NCK1: variants seen among roughly 807,000 people sequenced by gnomAD.
NCK1 encodes SH2/SH3 adapter protein NCK1.
NCK1 carries 19 observed loss-of-function variants against 36.6 expected under a neutral mutation model. The ratio of observed to expected loss-of-function variants is 0.52; its 90% confidence interval spans 0.36 to 0.76. NCK1 has a LOEUF of 0.76. Ranked by LOEUF, NCK1 falls within the 30% of genes least tolerant of loss-of-function variation. The pLI, the probability that NCK1 is intolerant of heterozygous loss-of-function variation, is 0.00. For synonymous variants in NCK1, 165 were observed against 156.0 expected (o/e 1.06, Z -0.43); for missense variants, 358 against 445.6 (o/e 0.80, Z 1.77).
intron 1 of NCK1, among the ~76,000 whole-genome samples, chr3:136,914,705 ACTT>A (rs1230155716): frequency 1.3e-5 from 2 of 152,184 alleles, no homozygotes; most frequent in Non-Finnish European, 2.9e-5. Flanking sequence ...TAATGTGACA[ACTT>A]CTGGCTTCCA....
intron 1 of NCK1, among the ~76,000 whole-genome samples, chr3:136,888,656 C>A (rs532424008): frequency 1.4e-3 from 210 of 152,138 alleles, no homozygotes; most frequent in African/African-American, 4.7e-3. Context: ...CCGCACCCAG[C>A]CATATTGGAA....
chr3:136,930,476 G>C (rs1940362708), intron 2 of NCK1: 1 of 1,292,956 alleles, frequency 7.7e-7, no homozygotes, highest in Non-Finnish European at 9.8e-7. Context: ...GGAAGTTTCA[G>C]TGTTGCAGAA....
At chr3:136,902,324 A>G (rs1322307463) in intron 1 of NCK1, among the ~76,000 whole-genome samples, 1 of 151,622 alleles carries the variant, frequency 6.6e-6, no homozygotes, top group East Asian at 1.9e-4. Flanking sequence ...CAGCCTCCTG[A>G]GTAGCTGGGA....
chr3:136,927,657 G>C (rs1191818563), intron 1 of NCK1, among the ~76,000 whole-genome samples: 1 of 152,086 alleles, frequency 6.6e-6, no homozygotes, highest in Non-Finnish European at 1.5e-5. Flanking sequence ...GAGTAGCTGG[G>C]ACTACGGGTG....
intron 1 of NCK1, among the ~76,000 whole-genome samples, 170 bp from the exon 2 acceptor site, chr3:136,927,814 C>T (rs1355300444): frequency 2.6e-5 from 4 of 152,172 alleles, no homozygotes; most frequent in East Asian, 3.8e-4. Context: ...CCACTGCGCA[C>T]GGCCATACAG....
At chr3:136,888,370 A>G (rs1361700049) in intron 1 of NCK1, among the ~76,000 whole-genome samples, 1 of 152,114 alleles carries the variant, frequency 6.6e-6, no homozygotes, top group African/African-American at 2.4e-5. Context: ...AGCTTTTAGT[A>G]TATTCAGAGT....
intron 1 of NCK1, among the ~76,000 whole-genome samples, chr3:136,922,229 C>T (rs1560047756): frequency 6.6e-6 from 1 of 152,128 alleles, no homozygotes; most frequent in African/African-American, 2.4e-5. Context: ...TGGCCCTTAC[C>T]CTCTCGCCAG....
chr3:136,913,143 T>C (rs1380041990), intron 1 of NCK1, among the ~76,000 whole-genome samples: 1 of 152,210 alleles, frequency 6.6e-6, no homozygotes, highest in East Asian at 1.9e-4. Context: ...TTTTTTTTTC[T>C]TTCATATAGG....
At chr3:136,906,895 A>G (rs1939701402) in intron 1 of NCK1, among the ~76,000 whole-genome samples, 1 of 152,104 alleles carries the variant, frequency 6.6e-6, no homozygotes, top group Non-Finnish European at 1.5e-5. Flanking sequence ...CACGGATTGC[A>G]TGCTTGGTTA....
chr3:136,932,781 G>A (rs1411797926), intron 2 of NCK1, among the ~76,000 whole-genome samples: 3 of 152,214 alleles, frequency 2.0e-5, no homozygotes, highest in Non-Finnish European at 4.4e-5. Flanking sequence ...GGAATTGAGC[G>A]AAAGCAATGA....
chr3:136,898,816 C>CGG (rs1282101792), intron 1 of NCK1, among the ~76,000 whole-genome samples: 1 of 152,178 alleles, frequency 6.6e-6, no homozygotes, highest in Non-Finnish European at 1.5e-5. Flanking sequence ...TCCTCCATGT[C>CGG]AAACTGACAG....
chr3:136,876,008 A>G (rs1455288317), intron 1 of NCK1, among the ~76,000 whole-genome samples: 5 of 152,062 alleles, frequency 3.3e-5, no homozygotes, highest in East Asian at 3.9e-4. Context: ...CTCACTCAAA[A>G]CCGCTCAACT....
Position 136,948,414 on chromosome 3 carries a change from A to G in NCK1, c.1095A>G (p.Glu365=). ...AAAAGGCACCAATTTTTACAAGTGA[A>G]CAAGGAGAAAAATTATATCTTGTCA... ...HYKKAPIFTS[E]QGEKLYLVKH... The change falls in exon 4 of 4, where the codon GAA becomes GAG. Residue 365 remains glutamate (E), a synonymous_variant. Coordinates refer to ENST00000481752, the MANE Select transcript of NCK1 (RefSeq NM_001291999.2). The G allele has an allele frequency of 6.2e-7, 1 of 1,612,850 alleles. No individual in the cohort carries two copies. The highest frequency in any genetic ancestry group is 8.5e-7 in the Non-Finnish European group (1 of 1,179,168).
chr3:136,865,039 A>G lies in NCK1; in HGVS notation c.-19+2686A>G, dbSNP rs145568350. Among the ~76,000 whole-genome samples the G allele has an allele frequency of 7.2e-3, 1,097 of 151,566 alleles. 15 individuals carry two copies. Among genetic ancestry groups the G allele is most frequent in the African/African-American group, 0.025 (1,022 of 41,336 alleles). The stretch of plus-strand genomic sequence containing the variant: ...AGTGGCGGGATCTTGGCTCACTGCA[A>G]CCTCTGCCTGCCGGGTTCAAGCAAT... On this transcript the variant is annotated intron_variant, in intron 1 of 3. Transcript: ENST00000481752.
intron 1 of NCK1, among the ~76,000 whole-genome samples, chr3:136,880,711 C>T (rs1010249138): frequency 1.3e-5 from 2 of 151,978 alleles, no homozygotes; most frequent in African/African-American, 2.4e-5. Context: ...TTCAAGGGAT[C>T]CTCATGTTTC....
chr3:136,919,235 G>C (rs1307931512), intron 1 of NCK1, among the ~76,000 whole-genome samples: 3 of 152,058 alleles, frequency 2.0e-5, no homozygotes, highest in Non-Finnish European at 4.4e-5. Context: ...TTCTTGAGGG[G>C]GAGTGATAGA....
At chr3:136,894,637 G>A (rs1939343557) in intron 1 of NCK1, among the ~76,000 whole-genome samples, 1 of 151,992 alleles carries the variant, frequency 6.6e-6, no homozygotes, top group Admixed American at 6.6e-5. Context: ...AACCATTGAG[G>A]TACTGTAAAT....
chr3:136,886,302 G>A (rs1576952133), intron 1 of NCK1, among the ~76,000 whole-genome samples: 1 of 150,146 alleles, frequency 6.7e-6, no homozygotes, highest in African/African-American at 2.5e-5. Context: ...CTTGTCCTTT[G>A]GTATCCATGA....
At chr3:136,877,820 C>T (rs1251533127) in intron 1 of NCK1, among the ~76,000 whole-genome samples, 1 of 152,030 alleles carries the variant, frequency 6.6e-6, no homozygotes, top group Non-Finnish European at 1.5e-5. Flanking sequence ...GTATTTTTGG[C>T]AGGGAGGAGG....
Sources: gnomAD v4.1 joint callset for allele counts (sites outside exome capture counted in the v4.1 genomes callset) on GRCh38, gnomAD v4.1.1 for gene constraint, MANE v1.5 for transcripts, NCBI Gene and HGNC (gene_info 2026-07-23, HGNC 2026-07-21) for gene names.